EPB41: variants seen among roughly 807,000 people sequenced by gnomAD.
EPB41 encodes the protein protein 4.1.
Under a neutral mutation model 108.0 loss-of-function variants are expected in EPB41, and 65 were observed. The ratio of observed to expected loss-of-function variants is 0.60; its 90% confidence interval spans 0.49 to 0.74. The LOEUF (loss-of-function observed/expected upper bound fraction) is 0.74. Ranked by LOEUF, EPB41 falls within the 30% of genes least tolerant of loss-of-function variation. The pLI, the probability that EPB41 is intolerant of heterozygous loss-of-function variation, is 0.00. For missense variants in EPB41, 875 were observed against 1,037.0 expected (o/e 0.84, Z 2.15); for synonymous variants, 336 against 358.9 (o/e 0.94, Z 0.72).
intron 1 of EPB41, among the ~76,000 whole-genome samples, chr1:28,949,339 G>C (rs1308675758): frequency 2.0e-5 from 3 of 152,076 alleles, no homozygotes; most frequent in Non-Finnish European, 2.9e-5. Context: ...AGCTACTTGG[G>C]AGGTTAAGGT....
chr1:29,086,940 C>CTCTT (rs1659207328), intron 16 of EPB41, among the ~76,000 whole-genome samples: 1 of 98,564 alleles, frequency 1.0e-5, no homozygotes, highest in South Asian at 3.7e-4. Context: ...AACTGTGGTT[C>CTCTT]TTTTTTTTTT....
At chr1:29,030,287 A>G (rs1019585897) in intron 7 of EPB41, 113 bp from the exon 8 acceptor site, 4 of 796,320 alleles carry the variant, frequency 5.0e-6, no homozygotes, top group Non-Finnish European at 8.7e-6. Flanking sequence ...AATATATCTT[A>G]ATATAGTGGT....
At chr1:29,050,827 C>T (rs1197596336) in intron 11 of EPB41, among the ~76,000 whole-genome samples, 1 of 152,024 alleles carries the variant, frequency 6.6e-6, no homozygotes, top group Non-Finnish European at 1.5e-5. Flanking sequence ...AGACGCCCGC[C>T]ACCACGCCCA....
At chr1:28,959,089 A>AG (rs1192535153) in intron 1 of EPB41, among the ~76,000 whole-genome samples, 2 of 151,714 alleles carry the variant, frequency 1.3e-5, no homozygotes, top group Non-Finnish European at 2.9e-5. Flanking sequence ...AGCAGCAAGT[A>AG]GTTCTAGGTG....
intron 1 of EPB41, among the ~76,000 whole-genome samples, chr1:28,892,646 C>T (rs185682149): frequency 2.7e-3 from 415 of 151,988 alleles, no homozygotes; most frequent in South Asian, 6.0e-3. Context: ...ACCAAGGAGG[C>T]GGAGGTTGCG....
chr1:29,003,047 C>A (rs1572254608), intron 4 of EPB41, among the ~76,000 whole-genome samples: 1 of 152,248 alleles, frequency 6.6e-6, no homozygotes, highest in East Asian at 1.9e-4. Flanking sequence ...TTGGCCTGAT[C>A]TGTTGGAGCC....
intron 16 of EPB41, among the ~76,000 whole-genome samples, chr1:29,074,932 G>GC (rs969603548): frequency 6.6e-6 from 1 of 152,132 alleles, no homozygotes; most frequent in Non-Finnish European, 1.5e-5. Flanking sequence ...GCTGAGGCGG[G>GC]CGGATCACAA....
chr1:29,052,538 T>G (rs1176113303), intron 11 of EPB41, among the ~76,000 whole-genome samples: 1 of 152,234 alleles, frequency 6.6e-6, no homozygotes, highest in Non-Finnish European at 1.5e-5. Context: ...GAGCATCTGG[T>G]TCAAATATTT....
intron 19 of EPB41, among the ~76,000 whole-genome samples, chr1:29,114,224 T>G (rs561943184): frequency 4.7e-4 from 72 of 152,292 alleles, no homozygotes; most frequent in Non-Finnish European, 7.4e-4. Context: ...CTCTTTTGAC[T>G]TTCCCTCTGC....
intron 12 of EPB41, chr1:29,054,592 G>A (rs1323756253): frequency 6.7e-6 from 1 of 148,674 alleles, no homozygotes; most frequent in Non-Finnish European, 1.5e-5. Context: ...GCTCTCACCT[G>A]TAATCCTAGC....
At chr1:29,016,599 A>G (rs562888469) in intron 6 of EPB41, among the ~76,000 whole-genome samples, 1 of 152,194 alleles carries the variant, frequency 6.6e-6, no homozygotes, top group Admixed American at 6.5e-5. Context: ...CCTGAACTGA[A>G]TCTTCCTTGG....
At chr1:29,059,894 T>G (rs1052639994) in intron 14 of EPB41, among the ~76,000 whole-genome samples, 7 of 152,248 alleles carry the variant, frequency 4.6e-5, no homozygotes, top group Non-Finnish European at 7.3e-5. Flanking sequence ...TAACTGAGTA[T>G]ATTTATTGGC....
At chr1:28,936,710 C>A (rs1220100459) in intron 1 of EPB41, among the ~76,000 whole-genome samples, 1 of 152,216 alleles carries the variant, frequency 6.6e-6, no homozygotes, top group Non-Finnish European at 1.5e-5. Context: ...CATGTGGTAG[C>A]ATGTATCAGT....
chr1:28,999,050 CT>C (rs1292418446), intron 4 of EPB41, among the ~76,000 whole-genome samples: 2 of 152,182 alleles, frequency 1.3e-5, no homozygotes. Flanking sequence ...CAGTGAAAAA[CT>C]TTCTACAACT....
At chr1:29,053,493 A>G (rs1644859427) in intron 12 of EPB41, 181 bp downstream of exon 12, 1 of 715,880 alleles carries the variant, frequency 1.4e-6, no homozygotes, top group African/African-American at 1.8e-5. Flanking sequence ...GAGTTATGTC[A>G]GTAAGACTGT....
chr1:29,067,850 A>C (rs1478112869), intron 16 of EPB41, among the ~76,000 whole-genome samples: 1 of 152,046 alleles, frequency 6.6e-6, no homozygotes, highest in Non-Finnish European at 1.5e-5. Flanking sequence ...TTTCCTACTC[A>C]CTGTCCTCTC....
At chr1:28,994,638 TTTA>T (rs2096119455) in intron 3 of EPB41, among the ~76,000 whole-genome samples, 1 of 110,676 alleles carries the variant, frequency 9.0e-6, no homozygotes, top group African/African-American at 3.3e-5. Context: ...AACTATTTTA[TTTA>T]TTTATTTATT....
chr1:29,085,488 C>A (rs1212667179), intron 16 of EPB41, among the ~76,000 whole-genome samples: 4 of 152,068 alleles, frequency 2.6e-5, no homozygotes, highest in Non-Finnish European at 5.9e-5. Flanking sequence ...ATCGCTTCTA[C>A]CTCTAAATCA....
chr1:29,108,753 C>T (rs996483133), intron 17 of EPB41, among the ~76,000 whole-genome samples: 1 of 151,160 alleles, frequency 6.6e-6, no homozygotes, highest in African/African-American at 2.4e-5. Flanking sequence ...CACAGGGTTT[C>T]ACTCTGTTGG....
Sources: allele counts gnomAD v4.1 joint callset (sites outside exome capture counted in the v4.1 genomes callset), GRCh38; gene constraint gnomAD v4.1.1; transcripts MANE v1.5; gene names NCBI Gene and HGNC (gene_info 2026-07-23, HGNC 2026-07-21).